FAM107B: variants seen among roughly 807,000 people sequenced by gnomAD.
The protein encoded by FAM107B is family with sequence similarity 107 member B.
A neutral mutation model predicts 31.5 loss-of-function variants in FAM107B; 21 were observed. The observed-to-expected ratio is 0.67, with a 90% CI of 0.47 to 0.96. The LOEUF (loss-of-function observed/expected upper bound fraction) is 0.96. FAM107B is among the 40% of genes least tolerant of loss of function. The pLI, the probability that FAM107B is intolerant of heterozygous loss-of-function variation, is 0.00. For missense variants in FAM107B, 452 were observed against 377.1 expected, an observed-to-expected ratio of 1.20 and a Z score of -1.64; for synonymous variants, 157 against 141.5, an observed-to-expected ratio of 1.11 and a Z score of -0.78.
intron 2 of FAM107B, among the ~76,000 whole-genome samples, chr10:14,606,553 T>C (rs1055385420): frequency 6.6e-6 from 1 of 152,190 alleles, no homozygotes; most frequent in Non-Finnish European, 1.5e-5. Flanking sequence ...TAACCTCCAA[T>C]GTGACTGTAT....
chr10:14,712,159 T>C (rs1855663759), intron 1 of FAM107B, among the ~76,000 whole-genome samples: 1 of 152,176 alleles, frequency 6.6e-6, no homozygotes. Flanking sequence ...TTTTCGAAGG[T>C]ACAGAACTTA....
chr10:14,720,256 A>T (rs1855880254), intron 1 of FAM107B, among the ~76,000 whole-genome samples: 1 of 150,346 alleles, frequency 6.7e-6, no homozygotes, highest in Non-Finnish European at 1.5e-5. Flanking sequence ...TTTTTTGGTA[A>T]TTTTTTTTTT....
intron 2 of FAM107B, among the ~76,000 whole-genome samples, chr10:14,655,583 G>A (rs1051518075): frequency 6.6e-6 from 1 of 152,170 alleles, no homozygotes. Context: ...TGTTATGGTT[G>A]TGTTCAACAC....
intron 3 of FAM107B, chr10:14,527,994 CT>C: frequency 2.9e-6 from 1 of 346,418 alleles, no homozygotes; most frequent in Non-Finnish European, 5.5e-6. Flanking sequence ...TGAAATCTGC[CT>C]TTTCTTTTTT....
intron 2 of FAM107B, among the ~76,000 whole-genome samples, chr10:14,630,473 T>C (rs985336114): frequency 6.6e-6 from 1 of 152,058 alleles, no homozygotes; most frequent in African/African-American, 2.4e-5. Context: ...ATTTCTTAGT[T>C]TCCCTTTCAA....
chr10:14,667,070 C>T (rs931172309), intron 2 of FAM107B, among the ~76,000 whole-genome samples: 2 of 152,090 alleles, frequency 1.3e-5, no homozygotes, highest in Admixed American at 6.6e-5. Context: ...ATTATTAGGC[C>T]CATTCAACTA....
intron 1 of FAM107B, among the ~76,000 whole-genome samples, chr10:14,745,782 T>A (rs941602831): frequency 6.6e-6 from 1 of 152,198 alleles, no homozygotes; most frequent in Non-Finnish European, 1.5e-5. Context: ...TCTCTTCTTT[T>A]TGAGTGGAGA....
At chr10:14,632,924 C>T (rs181035649) in intron 2 of FAM107B, among the ~76,000 whole-genome samples, 2 of 152,116 alleles carry the variant, frequency 1.3e-5, no homozygotes, top group East Asian at 3.9e-4. Flanking sequence ...GGAGGCCAGG[C>T]ACAGTGGCTC....
intron 3 of FAM107B, among the ~76,000 whole-genome samples, chr10:14,524,685 G>C (rs1846039868): frequency 6.6e-6 from 1 of 152,166 alleles, no homozygotes; most frequent in Admixed American, 6.5e-5. Flanking sequence ...CTATCAAAAA[G>C]TCTTGATATA....
chr10:14,549,661 G>C (rs1022544536), intron 2 of FAM107B, among the ~76,000 whole-genome samples: 1 of 152,150 alleles, frequency 6.6e-6, no homozygotes, highest in African/African-American at 2.4e-5. Context: ...CTGCCCTGTA[G>C]AGTCACGAGT....
chr10:14,721,308 G>A (rs182011954), intron 1 of FAM107B, among the ~76,000 whole-genome samples: 5 of 152,188 alleles, frequency 3.3e-5, no homozygotes, highest in African/African-American at 1.2e-4. Flanking sequence ...ATAAACATAC[G>A]TTTGCATGTG....
At chr10:14,602,328 A>C (rs1852426195) in intron 2 of FAM107B, 1 of 152,216 alleles carries the variant, frequency 6.6e-6, no homozygotes, top group Non-Finnish European at 1.5e-5. Flanking sequence ...CATCATCCTA[A>C]TGATCAACCT....
chr10:14,767,055 TAGAGAGAGAG>T lies in FAM107B; in HGVS notation c.411+7188_411+7197del, dbSNP rs1186875187. Among the ~76,000 whole-genome samples, 81 of 18,254 alleles carry T rather than the reference TAGAGAGAGAG, an allele frequency of 4.4e-3. 2 individuals are homozygous for T. Among genetic ancestry groups the T allele is most frequent in the African/African-American group, 8.3e-3 (54 of 6,492 alleles). 12.0% of individuals were successfully genotyped at this position (18,254 alleles called of 152,430 possible). Reference sequence around the variant, plus strand: ...ATATATATATATATATATATATATATAGAGAGAGAGAGAGAGAGAGAGAGAGAGAGAGAGA... The same window carrying T: ...ATATATATATATATATATATATATATAGAGAGAGAGAGAGAGAGAGAGAGA... On this transcript the variant is annotated intron_variant, in intron 1 of 4. Transcript: ENST00000181796.
chr10:14,522,162 T>C (rs1045785407), intron 3 of FAM107B, 143 bp from the exon 4 acceptor site: 3 of 1,053,408 alleles, frequency 2.8e-6, no homozygotes, highest in African/African-American at 3.2e-5. Context: ...GCAGGCAACA[T>C]GGTGATCTAA....
intron 1 of FAM107B, among the ~76,000 whole-genome samples, chr10:14,727,078 C>T (rs752892004): frequency 6.6e-6 from 1 of 152,034 alleles, no homozygotes; most frequent in Non-Finnish European, 1.5e-5. Flanking sequence ...GTGCAGTTCA[C>T]AATAGGGTTC....
At chr10:14,682,683 T>C (rs1446904104) in intron 1 of FAM107B, among the ~76,000 whole-genome samples, 3 of 151,180 alleles carry the variant, frequency 2.0e-5, no homozygotes, top group East Asian at 3.9e-4. Flanking sequence ...TAAGTGGGAG[T>C]TGAACAATGA....
intron 2 of FAM107B, among the ~76,000 whole-genome samples, chr10:14,618,795 C>T (rs1010085863): frequency 2.0e-5 from 3 of 151,938 alleles, no homozygotes; most frequent in African/African-American, 7.3e-5. Flanking sequence ...CGAGATGATG[C>T]CATTGGGTAC....
chr10:14,594,016 G>A (rs141773627), intron 2 of FAM107B, among the ~76,000 whole-genome samples: 120 of 152,326 alleles, frequency 7.9e-4, no homozygotes, highest in African/African-American at 2.8e-3. Context: ...GGGGCACTCT[G>A]TACAAAAATG....
intron 1 of FAM107B, among the ~76,000 whole-genome samples, chr10:14,733,969 G>A (rs1329120938): frequency 6.6e-6 from 1 of 152,130 alleles, no homozygotes; most frequent in Admixed American, 6.5e-5. Flanking sequence ...ACTTTGAGAG[G>A]AGAACAGGTA....
Sources: allele counts gnomAD v4.1 joint callset (sites outside exome capture counted in the v4.1 genomes callset), GRCh38; gene constraint gnomAD v4.1.1; transcripts MANE v1.5; gene names NCBI Gene and HGNC (gene_info 2026-07-23, HGNC 2026-07-21).